RAD51B: variants seen among roughly 807,000 people sequenced by gnomAD.
RAD51B encodes DNA repair protein RAD51 homolog 2.
Under a neutral mutation model 42.2 loss-of-function variants are expected in RAD51B, and 38 were observed. That is an observed-to-expected ratio of 0.90 (90% CI 0.70 to 1.18). The LOEUF is 1.18. RAD51B is among the 50% of genes most tolerant of loss of function. RAD51B has a pLI of 0.00. For synonymous variants in RAD51B, 154 were observed against 145.2 expected, an observed-to-expected ratio of 1.06 and a Z score of -0.43; for missense variants, 373 against 400.7, an observed-to-expected ratio of 0.93 and a Z score of 0.59.
At chr14:68,183,298 G>A (rs2140887868) in intron 7 of RAD51B, among the ~76,000 whole-genome samples, 1 of 152,288 alleles carries the variant, frequency 6.6e-6, no homozygotes, top group South Asian at 2.1e-4. Flanking sequence ...TGTAAGTCAA[G>A]AGTCTAAAAG....
At position 67,885,892 on chromosome 14, in the gene RAD51B, G is replaced by A. The variant is rs548280411; in HGVS notation, c.476G>A (p.Arg159His). 2.4e-4 allele frequency: 384 copies of A among 1,608,480 alleles called. 3 individuals are homozygous for A. In the South Asian group the frequency reaches 3.4e-3, roughly 14 times the overall value. ...AERLVEIAES[R>H]FPRYFNTEEK... ...AGACTGGTTGAAATAGCAGAATCCC[G>A]TTTTCCCAGATATTTTAACACTGAA... Residue 159 changes from arginine (R) to histidine (H), a missense_variant, in exon 6 of 11, where the codon CGT becomes CAT. Transcript: ENST00000471583.
chr14:68,094,269 TTG>T (rs1212684665), intron 7 of RAD51B, among the ~76,000 whole-genome samples: 1 of 152,228 alleles, frequency 6.6e-6, no homozygotes, highest in African/African-American at 2.4e-5. Flanking sequence ...TTCTGACGTT[TTG>T]TTTTCTGTTA....
At chr14:67,884,540 C>T (rs2043006484) in intron 5 of RAD51B, among the ~76,000 whole-genome samples, 2 of 152,186 alleles carry the variant, frequency 1.3e-5, no homozygotes, top group Admixed American at 1.3e-4. Context: ...TTTCCCTAAT[C>T]AAAAATTTAC....
chr14:68,595,803 T>G, exon 11 of RAD51B: 2 of 358,888 alleles, frequency 5.6e-6, no homozygotes, highest in Non-Finnish European at 8.6e-6. Context: ...AAAAAACAGA[T>G]TATAAAGCAA....
chr14:68,052,117 T>A (rs1409174162), intron 7 of RAD51B, among the ~76,000 whole-genome samples: 1 of 152,288 alleles, frequency 6.6e-6, no homozygotes, highest in East Asian at 1.9e-4. Context: ...TCTGCTTCAG[T>A]CACTAGGGCA....
intron 8 of RAD51B, among the ~76,000 whole-genome samples, chr14:68,320,163 C>T (rs1023051593): frequency 1.3e-5 from 2 of 152,178 alleles, no homozygotes; most frequent in African/African-American, 4.8e-5. Flanking sequence ...TCTCCTTGTT[C>T]TTTACTGGCT....
chr14:67,918,879 A>G (rs554384812), intron 7 of RAD51B, among the ~76,000 whole-genome samples: 1 of 152,344 alleles, frequency 6.6e-6, no homozygotes, highest in African/African-American at 2.4e-5. Flanking sequence ...CAAAGTGCCA[A>G]AAAATTTATC....
At position 67,893,775 on chromosome 14, in the gene RAD51B, C is replaced by A. The variant is rs1258086610; in HGVS notation, c.756+6571C>A. On this transcript the variant is annotated intron_variant, in intron 7 of 10. Coordinates refer to ENST00000471583, the MANE Select transcript of RAD51B (RefSeq NM_133510.4). ...GGTAGTCATAAAGAAATGGCACTGG[C>A]TGTATTTGGAGAAGGGGACTTGATT... is the stretch of plus-strand genomic sequence containing the variant. 2.0e-5 allele frequency among the ~76,000 whole-genome samples: 3 copies of A among 152,226 alleles called. No individual in the cohort carries two copies. In the East Asian group the frequency reaches 5.8e-4, roughly 29 times the overall value.
At chr14:67,904,448 G>T (rs916731838) in intron 7 of RAD51B, among the ~76,000 whole-genome samples, 1 of 151,188 alleles carries the variant, frequency 6.6e-6, no homozygotes, top group African/African-American at 2.4e-5. Context: ...TATTCTGACT[G>T]GTGTGAGATG....
At chr14:68,620,150 T>C (rs1308451163) in intron 10 of RAD51B, among the ~76,000 whole-genome samples, 1 of 152,202 alleles carries the variant, frequency 6.6e-6, no homozygotes, top group Admixed American at 6.5e-5. Context: ...TTAAACATGA[T>C]ATTGCATCTT....
At chr14:67,957,674 A>G (rs1352853452) in intron 7 of RAD51B, among the ~76,000 whole-genome samples, 1 of 152,216 alleles carries the variant, frequency 6.6e-6, no homozygotes, top group African/African-American at 2.4e-5. Flanking sequence ...TCCAAAAGCT[A>G]GTGCCCCCAA....
chr14:68,269,423 C>T (rs191337152), intron 7 of RAD51B, among the ~76,000 whole-genome samples: 76 of 152,298 alleles, frequency 5.0e-4, no homozygotes, highest in African/African-American at 1.8e-3. Flanking sequence ...CCCAGGGCAT[C>T]GTAAGCATCT....
intron 10 of RAD51B, among the ~76,000 whole-genome samples, chr14:68,637,658 G>C (rs866228279): frequency 2.0e-5 from 3 of 152,198 alleles, no homozygotes; most frequent in African/African-American, 7.2e-5. Context: ...ATGTGGGCCC[G>C]GCAAGGAGAC....
chr14:68,458,580 A>G (rs554335169), intron 9 of RAD51B, among the ~76,000 whole-genome samples: 4 of 152,024 alleles, frequency 2.6e-5, no homozygotes, highest in African/African-American at 9.6e-5. Context: ...GGTGTTATAC[A>G]AGAGCATAAT....
intron 7 of RAD51B, among the ~76,000 whole-genome samples, chr14:68,238,985 T>G (rs2080326400): frequency 6.6e-6 from 1 of 152,224 alleles, no homozygotes; most frequent in Non-Finnish European, 1.5e-5. Context: ...AGACACTAGT[T>G]CTACAGAAAT....
intron 7 of RAD51B, among the ~76,000 whole-genome samples, chr14:68,171,233 C>T (rs903088567): frequency 6.6e-6 from 1 of 152,170 alleles, no homozygotes; most frequent in African/African-American, 2.4e-5. Flanking sequence ...AGAAATAAGC[C>T]ATTTCTGTAG....
At chr14:68,391,102 A>T (rs2083738679) in intron 8 of RAD51B, among the ~76,000 whole-genome samples, 1 of 152,142 alleles carries the variant, frequency 6.6e-6, no homozygotes, top group Non-Finnish European at 1.5e-5. Flanking sequence ...CTCCAGAATT[A>T]GGTGGGAGAT....
intron 8 of RAD51B, among the ~76,000 whole-genome samples, chr14:68,326,194 C>A (rs1366204058): frequency 1.3e-5 from 2 of 151,706 alleles, no homozygotes; most frequent in Non-Finnish European, 2.9e-5. Context: ...GCATGCACCA[C>A]CACACCCGGC....
At chr14:68,181,550 T>G (rs535441426) in intron 7 of RAD51B, among the ~76,000 whole-genome samples, 29 of 152,252 alleles carry the variant, frequency 1.9e-4, no homozygotes, top group Non-Finnish European at 3.2e-4. Context: ...AAAGCCGGAC[T>G]TGTTCCTTCT....
Sources: gnomAD v4.1 joint callset for allele counts (sites outside exome capture counted in the v4.1 genomes callset) on GRCh38, gnomAD v4.1.1 for gene constraint, MANE v1.5 for transcripts, NCBI Gene and HGNC (gene_info 2026-07-23, HGNC 2026-07-21) for gene names.